KSR2: variants seen among roughly 807,000 people sequenced by gnomAD.
KSR2 encodes the protein kinase suppressor of ras 2.
In KSR2, 25 loss-of-function variants were observed where a neutral mutation model predicts 107.8. The observed-to-expected ratio is 0.23, with a 90% CI of 0.17 to 0.32. The LOEUF (loss-of-function observed/expected upper bound fraction) is 0.32, where lower values mean the gene tolerates loss of function less well. KSR2 is among the 10% of genes least tolerant of loss of function. The pLI, the probability that KSR2 is intolerant of heterozygous loss-of-function variation, is 1.00. For missense variants in KSR2, 887 were observed against 1,268.9 expected (o/e 0.70, Z 4.57); for synonymous variants, 480 against 507.0 (o/e 0.95, Z 0.71).
At chr12:117,710,773 A>AT (rs1216754913) in intron 4 of KSR2, among the ~76,000 whole-genome samples, 4 of 152,134 alleles carry the variant, frequency 2.6e-5, no homozygotes, top group East Asian at 1.9e-4. Flanking sequence ...TGATGGTGAT[A>AT]TTTTTTTAAT....
At chr12:117,698,886 G>A (rs755271044) in intron 4 of KSR2, among the ~76,000 whole-genome samples, 2 of 152,138 alleles carry the variant, frequency 1.3e-5, no homozygotes, top group Admixed American at 6.5e-5. Context: ...CTGCCCCAGG[G>A]CCTTTGCACA....
At chr12:117,542,331 T>C (rs1294461120) in intron 9 of KSR2, among the ~76,000 whole-genome samples, 2 of 152,216 alleles carry the variant, frequency 1.3e-5, no homozygotes, top group African/African-American at 4.8e-5. Context: ...ATTATGTTAA[T>C]GATAGTATAT....
chr12:117,772,718 ACACT>A (rs1387408143), intron 3 of KSR2, among the ~76,000 whole-genome samples: 2 of 151,832 alleles, frequency 1.3e-5, no homozygotes, highest in East Asian at 1.9e-4. Flanking sequence ...GCACAAACAC[ACACT>A]CACACATACA....
intron 1 of KSR2, among the ~76,000 whole-genome samples, chr12:117,910,737 A>G (rs1396224811): frequency 6.6e-6 from 1 of 152,138 alleles, no homozygotes; most frequent in African/African-American, 2.4e-5. Context: ...GTGCTGGAGT[A>G]TGTTGCTTTG....
At chr12:117,507,237 C>T (rs1873752642) in intron 14 of KSR2, among the ~76,000 whole-genome samples, 1 of 152,194 alleles carries the variant, frequency 6.6e-6, no homozygotes, top group South Asian at 2.1e-4. Context: ...ACCCAAGTGA[C>T]TTGCCCAAGG....
intron 4 of KSR2, among the ~76,000 whole-genome samples, chr12:117,731,864 C>T (rs1013154440): frequency 2.7e-4 from 38 of 141,896 alleles, no homozygotes; most frequent in East Asian, 6.2e-4. Flanking sequence ...ATCACCAATC[C>T]CTAATCTCAA....
chr12:117,844,885 G>A (rs1263031653), intron 3 of KSR2, among the ~76,000 whole-genome samples: 7 of 152,132 alleles, frequency 4.6e-5, no homozygotes, highest in African/African-American at 1.2e-4. Context: ...AGTGGCTCAT[G>A]CCTGTAATCC....
chr12:117,817,472 T>C (rs1402970462), intron 3 of KSR2, among the ~76,000 whole-genome samples: 3 of 152,112 alleles, frequency 2.0e-5, no homozygotes, highest in African/African-American at 7.2e-5. Flanking sequence ...AGGAAAAGGT[T>C]GGCAGGACAC....
chr12:117,666,194 C>T (rs1028769315), intron 5 of KSR2, among the ~76,000 whole-genome samples: 1 of 152,186 alleles, frequency 6.6e-6, no homozygotes, highest in East Asian at 1.9e-4. Flanking sequence ...CAGCTGATTC[C>T]TACCACGGAT....
intron 1 of KSR2, among the ~76,000 whole-genome samples, chr12:117,936,827 C>A (rs373117809): frequency 6.6e-6 from 1 of 152,162 alleles, no homozygotes; most frequent in African/African-American, 2.4e-5. Flanking sequence ...GAACATTGCA[C>A]GGCACATGGC....
At chr12:117,491,166 G>A (rs1185976653) in intron 14 of KSR2, among the ~76,000 whole-genome samples, 1 of 151,996 alleles carries the variant, frequency 6.6e-6, no homozygotes, top group Non-Finnish European at 1.5e-5. Flanking sequence ...GAGATCATGT[G>A]GTATTTGTCT....
At chr12:117,928,983 A>G (rs1895617567) in intron 1 of KSR2, among the ~76,000 whole-genome samples, 1 of 152,166 alleles carries the variant, frequency 6.6e-6, no homozygotes, top group African/African-American at 2.4e-5. Flanking sequence ...GAAGGAAAAC[A>G]CTTCGCCTTA....
intron 4 of KSR2, chr12:117,674,384 T>C (rs777158774): frequency 4.3e-6 from 2 of 460,018 alleles, no homozygotes; most frequent in South Asian, 3.1e-5. Flanking sequence ...GAACGTAAAA[T>C]TCACCATTTT....
chr12:117,963,840 T>A (rs960561719), intron 1 of KSR2, among the ~76,000 whole-genome samples: 3 of 152,150 alleles, frequency 2.0e-5, no homozygotes, highest in Non-Finnish European at 4.4e-5. Context: ...TACCTTCATC[T>A]GGTTTGTTGT....
intron 1 of KSR2, among the ~76,000 whole-genome samples, chr12:117,903,030 A>G (rs1353117221): frequency 1.3e-5 from 2 of 152,228 alleles, no homozygotes; most frequent in African/African-American, 4.8e-5. Context: ...CACTTAGAAT[A>G]GAGCTTTGAA....
Position 117,818,664 on chromosome 12 carries a change from T to C in KSR2, c.472+36764A>G, listed in dbSNP as rs374555503. Among the ~76,000 whole-genome samples, 220 of 152,314 alleles carry C rather than the reference T, an allele frequency of 1.4e-3. 1 individual carries two copies. The highest frequency in any genetic ancestry group is 6.8e-3 in the Middle Eastern group (2 of 294). ...TTTTCATTGTGGTTATTGTCGTTTC[T>C]AAGCCAGCCTTTGATCCTGCTGAAA... On this transcript the variant is annotated intron_variant, in intron 3 of 19. Coordinates refer to ENST00000339824, the MANE Select transcript of KSR2 (RefSeq NM_173598.6).
At chr12:117,526,966 C>G (rs955940684) in intron 13 of KSR2, 105 bp downstream of exon 13, 1 of 870,982 alleles carries the variant, frequency 1.1e-6, no homozygotes, top group Admixed American at 1.9e-5. Flanking sequence ...CCACCACAGC[C>G]CCCACCTGAC....
At chr12:117,599,264 C>T (rs1377812993) in intron 5 of KSR2, among the ~76,000 whole-genome samples, 1 of 152,114 alleles carries the variant, frequency 6.6e-6, no homozygotes, top group Non-Finnish European at 1.5e-5. Flanking sequence ...TTAATGAGAC[C>T]CCCACCTGCA....
intron 1 of KSR2, among the ~76,000 whole-genome samples, chr12:117,965,223 C>T (rs762602120): frequency 2.6e-5 from 4 of 152,210 alleles, no homozygotes; most frequent in Admixed American, 6.5e-5. Context: ...GCTGCAGGAA[C>T]CATCTTGCAA....
Sources: gnomAD v4.1 joint callset for allele counts (sites outside exome capture counted in the v4.1 genomes callset) on GRCh38, gnomAD v4.1.1 for gene constraint, MANE v1.5 for transcripts, NCBI Gene and HGNC (gene_info 2026-07-23, HGNC 2026-07-21) for gene names.